Variants in MYO16 observed in about 807,000 individuals in gnomAD.
The protein encoded by MYO16 is myosin XVI.
A neutral mutation model predicts 205.3 loss-of-function variants in MYO16; 94 were observed. That is an observed-to-expected ratio of 0.46 (90% CI 0.39 to 0.54). The LOEUF is 0.54. Ranked by LOEUF, MYO16 falls within the 20% of genes least tolerant of loss-of-function variation. The pLI is 0.00. For synonymous variants in MYO16, 988 were observed against 954.0 expected, an observed-to-expected ratio of 1.04 and a Z score of -0.66; for missense variants, 2,315 against 2,387.5, an observed-to-expected ratio of 0.97 and a Z score of 0.63.
intron 1 of MYO16, among the ~76,000 whole-genome samples, chr13:108,597,640 A>G (rs527273191): frequency 2.0e-4 from 30 of 152,210 alleles, no homozygotes; most frequent in Admixed American, 3.3e-4. Context: ...ATAAAATGCA[A>G]TTGGTAGTTC....
chr13:108,569,468 A>C, the MYO16 span, among the ~76,000 whole-genome samples: 1 of 152,138 alleles, frequency 6.6e-6, no homozygotes, highest in Non-Finnish European at 1.5e-5. Context: ...GTTAGCATAT[A>C]AAAATACAAT....
At chr13:108,713,947 TC>T (rs1341142932) in intron 3 of MYO16, among the ~76,000 whole-genome samples, 1 of 152,188 alleles carries the variant, frequency 6.6e-6, no homozygotes, top group African/African-American at 2.4e-5. Context: ...AGTCCCTAGA[TC>T]CTAGGTTTAA....
chr13:108,917,102 TGCAC>T (rs1881529723), intron 16 of MYO16, among the ~76,000 whole-genome samples: 1 of 152,264 alleles, frequency 6.6e-6, no homozygotes, highest in East Asian at 1.9e-4. Context: ...ACATGGCACA[TGCAC>T]GCACGCACAC....
the MYO16 span, among the ~76,000 whole-genome samples, chr13:108,495,929 G>T: frequency 6.6e-6 from 1 of 152,072 alleles, no homozygotes; most frequent in African/African-American, 2.4e-5. Context: ...CGGCAGGTAG[G>T]GGCGTCGGCG....
At chr13:108,720,879 T>C (rs1197670549) in intron 3 of MYO16, among the ~76,000 whole-genome samples, 2 of 152,186 alleles carry the variant, frequency 1.3e-5, no homozygotes, top group African/African-American at 4.8e-5. Flanking sequence ...GATTTGTAAA[T>C]ATTTGTAATG....
the MYO16 span, among the ~76,000 whole-genome samples, chr13:108,570,960 A>G: frequency 7.2e-5 from 11 of 152,344 alleles, no homozygotes; most frequent in South Asian, 1.0e-3. Context: ...AAGGACAAGT[A>G]ATTATCAAAA....
At chr13:108,717,102 A>G (rs1180814500) in intron 3 of MYO16, among the ~76,000 whole-genome samples, 2 of 152,170 alleles carry the variant, frequency 1.3e-5, no homozygotes, top group African/African-American at 2.4e-5. Flanking sequence ...TTTATGAAGT[A>G]AAAAACAGTA....
In MYO16 at chr13:108,935,719, T is replaced by C. The variant is rs192411707; in HGVS notation, c.1926-21969T>C. Among the ~76,000 whole-genome samples the C allele has an allele frequency of 2.1e-4, 32 of 152,284 alleles. No individual in the cohort carries two copies. In the East Asian group the frequency reaches 5.4e-3, roughly 26 times the overall value. ...TTGTTCCAGTTCTCAACAGGAATGC[T>C]TCCAACTTTTGCCTGTTCAGTACGA... On this transcript the variant is annotated intron_variant, in intron 16 of 34. Transcript: ENST00000457511.
At chr13:108,855,402 G>A in intron 10 of MYO16, 41 bp from the exon 11 acceptor site, 1 of 1,252,820 alleles carries the variant, frequency 8.0e-7, no homozygotes, top group Non-Finnish European at 1.1e-6. Flanking sequence ...AAGTTGATTG[G>A]AAAGCAATTA....
chr13:109,048,233 C>T, intron 24 of MYO16: 3 of 454,448 alleles, frequency 6.6e-6, no homozygotes, highest in Non-Finnish European at 1.3e-5. Flanking sequence ...GGCTAGTCTG[C>T]TTATCTTAAT....
At chr13:108,806,520 A>G (rs1887117673) in intron 6 of MYO16, among the ~76,000 whole-genome samples, 159 bp from the exon 7 acceptor site, 2 of 152,226 alleles carry the variant, frequency 1.3e-5, no homozygotes, top group African/African-American at 4.8e-5. Context: ...ACACCCATTT[A>G]TACCAAATAA....
intron 33 of MYO16, among the ~76,000 whole-genome samples, chr13:109,170,428 T>C (rs1396506182): frequency 2.0e-5 from 3 of 152,016 alleles, no homozygotes; most frequent in Non-Finnish European, 4.4e-5. Flanking sequence ...GGCAATTTCA[T>C]TTGGAGGGGA....
Position 108,935,978 on chromosome 13 carries a change from G to A in MYO16, c.1926-21710G>A, listed in dbSNP as rs544147992. On this transcript the variant is annotated intron_variant, in intron 16 of 34. Transcript: ENST00000457511. ...ACCAAATTTTCATCCCAGGAATGAA[G>A]CTTATTTGATCATGGTGACTTAACT... Among the ~76,000 whole-genome samples, 21 of 152,072 alleles carry A rather than the reference G, an allele frequency of 1.4e-4. 2 individuals carry two copies. The South Asian group carries it at 4.4e-3, about 32-fold the overall frequency.
At chr13:108,925,244 T>C (rs1248138530) in intron 16 of MYO16, among the ~76,000 whole-genome samples, 2 of 152,098 alleles carry the variant, frequency 1.3e-5, no homozygotes, top group South Asian at 2.1e-4. Context: ...AATGAAGTCA[T>C]TGTGGTGTGT....
intron 4 of MYO16, among the ~76,000 whole-genome samples, chr13:108,765,113 CATAGGTAA>C (rs1249086836): frequency 2.0e-5 from 3 of 152,148 alleles, no homozygotes; most frequent in Admixed American, 1.3e-4. Flanking sequence ...CTTCCACACA[CATAGGTAA>C]ATCATACAAA....
intron 33 of MYO16, among the ~76,000 whole-genome samples, chr13:109,174,909 A>ATT (rs34513500): frequency 1.3e-3 from 193 of 146,038 alleles, no homozygotes; most frequent in Non-Finnish European, 1.9e-3. Context: ...ATGCCACCAC[A>ATT]TTTTTTTTTT....
At chr13:108,624,361 C>G (rs1035125618) in intron 1 of MYO16, among the ~76,000 whole-genome samples, 3 of 152,130 alleles carry the variant, frequency 2.0e-5, no homozygotes, top group African/African-American at 4.8e-5. Context: ...TTGCAGTATA[C>G]TATTTATTCC....
intron 16 of MYO16, among the ~76,000 whole-genome samples, chr13:108,944,463 C>G (rs901621016): frequency 6.6e-6 from 1 of 152,174 alleles, no homozygotes; most frequent in Non-Finnish European, 1.5e-5. Context: ...TTCCACCCCC[C>G]ACTTAAAGTT....
At chr13:108,717,175 T>G (rs1404779927) in intron 3 of MYO16, among the ~76,000 whole-genome samples, 2 of 152,194 alleles carry the variant, frequency 1.3e-5, no homozygotes, top group Admixed American at 6.5e-5. Flanking sequence ...GATGAGCAAT[T>G]GAGAAGGCGC....
Sources: gnomAD v4.1 joint callset for allele counts (sites outside exome capture counted in the v4.1 genomes callset) on GRCh38, gnomAD v4.1.1 for gene constraint, MANE v1.5 for transcripts, NCBI Gene and HGNC (gene_info 2026-07-23, HGNC 2026-07-21) for gene names.